The following DAB1 variants were observed in gnomAD, a reference collection of about 807,000 sequenced individuals.
The protein encoded by DAB1 is disabled homolog 1.
In DAB1, 15 loss-of-function variants were observed where a neutral mutation model predicts 64.6. The ratio of observed to expected loss-of-function variants is 0.23; its 90% CI spans 0.16 to 0.36. The LOEUF (loss-of-function observed/expected upper bound fraction) is 0.36. Among genes scored for constraint, DAB1 ranks in the 10% least tolerant of loss-of-function variants. The pLI is 1.00. For synonymous variants in DAB1, 235 were observed against 251.9 expected (o/e 0.93, Z 0.64); for missense variants, 596 against 706.7 (o/e 0.84, Z 1.78).
At chr1:58,489,718 G>C (rs1379740761) in intron 3 of DAB1, among the ~76,000 whole-genome samples, 1 of 152,142 alleles carries the variant, frequency 6.6e-6, no homozygotes, top group Non-Finnish European at 1.5e-5. Context: ...ACACCTCACA[G>C]GGCCGGGTAC....
intron 3 of DAB1, among the ~76,000 whole-genome samples, chr1:58,349,925 CAT>C (rs1644036150): frequency 6.6e-6 from 1 of 152,114 alleles, no homozygotes; most frequent in Non-Finnish European, 1.5e-5. Flanking sequence ...CACACGTGTG[CAT>C]ATGTCTTTAT....
At chr1:58,167,608 G>C (rs1382238748) in intron 4 of DAB1, among the ~76,000 whole-genome samples, 2 of 152,188 alleles carry the variant, frequency 1.3e-5, no homozygotes, top group African/African-American at 4.8e-5. Context: ...TGGAAGCTTT[G>C]TTCTTTCACT....
At chr1:57,519,605 C>T (rs1174693582) in intron 7 of DAB1, among the ~76,000 whole-genome samples, 1 of 152,068 alleles carries the variant, frequency 6.6e-6, no homozygotes, top group African/African-American at 2.4e-5. Context: ...CAGGGTGCCC[C>T]TAGAGGGCTT....
chr1:57,528,768 A>T (rs563075736), intron 7 of DAB1, among the ~76,000 whole-genome samples: 19 of 45,926 alleles, frequency 4.1e-4, no homozygotes, highest in Non-Finnish European at 7.3e-4. Flanking sequence ...GAAGTACTTT[A>T]AGGTACTTAA....
chr1:57,032,390 G>A lies in DAB1; in HGVS notation c.724-6347C>T, dbSNP rs546310435. Among the ~76,000 whole-genome samples the A allele has an allele frequency of 1.9e-4, 29 of 152,240 alleles. No homozygotes were observed. The East Asian group carries it at 3.3e-3, about 17-fold the overall frequency. ...AGACCCAGAGACACAATCAATGGAG[G>A]AGAGAAGCACAGGGGGTTATGAAAG... On this transcript the variant is annotated intron_variant, in intron 9 of 14. Transcript: ENST00000371236.
At chr1:58,346,100 C>T (rs1229161740) in intron 3 of DAB1, among the ~76,000 whole-genome samples, 2 of 152,204 alleles carry the variant, frequency 1.3e-5, no homozygotes, top group Admixed American at 6.5e-5. Context: ...CTAGGTGAAA[C>T]GGAAAACATT....
At chr1:58,438,559 A>T (rs1018425267) in intron 3 of DAB1, among the ~76,000 whole-genome samples, 3 of 152,126 alleles carry the variant, frequency 2.0e-5, no homozygotes, top group East Asian at 3.9e-4. Context: ...CCCTGCCCTC[A>T]CGTTCTGGGA....
intron 7 of DAB1, among the ~76,000 whole-genome samples, chr1:57,452,687 C>T (rs2101158011): frequency 6.6e-6 from 1 of 152,176 alleles, no homozygotes; most frequent in African/African-American, 2.4e-5. Flanking sequence ...TGCCAGGCTC[C>T]ACTAGTACAT....
chr1:58,261,018 T>C (rs530084684), intron 4 of DAB1, among the ~76,000 whole-genome samples: 1 of 152,208 alleles, frequency 6.6e-6, no homozygotes, highest in Non-Finnish European at 1.5e-5. Context: ...TGTGCAATAA[T>C]TTATCACATA....
intron 5 of DAB1, among the ~76,000 whole-genome samples, chr1:58,053,947 T>C (rs1244777691): frequency 6.6e-6 from 1 of 152,232 alleles, no homozygotes; most frequent in African/African-American, 2.4e-5. Flanking sequence ...TGGTCCCACA[T>C]TGTTGCCTGC....
chr1:57,740,068 G>A lies in DAB1; in HGVS notation n.552-90403C>T, dbSNP rs893906263. ...CTACAAAAAAAAAAAAAAAAAATTC[G>A]CCAGGCGTGGTCGCATGCACTTGTA... On this transcript the variant is annotated intron_variant and non_coding_transcript_variant, in intron 6 of 20. Transcript: ENST00000485760. Among the ~76,000 whole-genome samples, 72 of 91,300 alleles carry A rather than the reference G, an allele frequency of 7.9e-4. 1 individual carries two copies. The East Asian group carries it at 0.016, about 21-fold the overall frequency. 59.9% of individuals were successfully genotyped at this position (91,300 alleles called of 152,430 possible). A position where few individuals can be genotyped will look rare whatever the true frequency, so the allele number is the denominator to read the frequency against.
At chr1:57,480,266 A>G (rs1223958392) in intron 7 of DAB1, among the ~76,000 whole-genome samples, 3 of 152,060 alleles carry the variant, frequency 2.0e-5, no homozygotes, top group Non-Finnish European at 4.4e-5. Context: ...GCATTTACAA[A>G]TGGGTACCCA....
intron 3 of DAB1, among the ~76,000 whole-genome samples, chr1:58,474,467 T>C (rs1645399291): frequency 6.6e-6 from 1 of 152,070 alleles, no homozygotes; most frequent in African/African-American, 2.4e-5. Flanking sequence ...GTTGGTTCAT[T>C]GTGATAAGCT....
chr1:57,593,442 G>A (rs1158277935), intron 7 of DAB1, among the ~76,000 whole-genome samples: 4 of 152,186 alleles, frequency 2.6e-5, no homozygotes, highest in Non-Finnish European at 5.9e-5. Flanking sequence ...TTTTGGTACT[G>A]TGAATAATGT....
chr1:57,501,390 C>A (rs887211424), intron 7 of DAB1, among the ~76,000 whole-genome samples: 2 of 152,164 alleles, frequency 1.3e-5, no homozygotes, highest in Non-Finnish European at 2.9e-5. Context: ...GCTGAAAGCA[C>A]CTGCCTGAGT....
At chr1:58,236,982 T>C (rs888097850) in intron 4 of DAB1, among the ~76,000 whole-genome samples, 1 of 152,200 alleles carries the variant, frequency 6.6e-6, no homozygotes, top group Admixed American at 6.5e-5. Context: ...CCTTGGTCCT[T>C]ATACTCCCTC....
At chr1:57,085,877 T>A (rs1653023478) in intron 4 of DAB1, among the ~76,000 whole-genome samples, 1 of 152,118 alleles carries the variant, frequency 6.6e-6, no homozygotes, top group African/African-American at 2.4e-5. Flanking sequence ...AGGGTAAGCA[T>A]GGAGGTCTGA....
chr1:57,597,822 C>G lies in DAB1; in HGVS notation n.625+51770G>C, dbSNP rs914135399. 3.9e-5 allele frequency among the ~76,000 whole-genome samples: 6 copies of G among 152,290 alleles called. No individual in the cohort carries two copies. In the South Asian group the frequency reaches 8.3e-4, roughly 21 times the overall value. On this transcript the variant is annotated intron_variant and non_coding_transcript_variant, in intron 7 of 20. Coordinates refer to the DAB1 transcript ENST00000485760. ...AGGACATAGACTTAGATTATTTGTTCATTCAGCAAACTAATTTTTTTAAGT... is the reference window on the plus strand; with the variant it reads ...AGGACATAGACTTAGATTATTTGTTGATTCAGCAAACTAATTTTTTTAAGT...
chr1:57,461,623 G>A (rs1373642633), intron 7 of DAB1, among the ~76,000 whole-genome samples: 1 of 152,148 alleles, frequency 6.6e-6, no homozygotes, highest in Non-Finnish European at 1.5e-5. Flanking sequence ...CCCAGGCTGC[G>A]CCCTCTGTCA....
Sources: allele counts gnomAD v4.1 joint callset (sites outside exome capture counted in the v4.1 genomes callset), GRCh38; gene constraint gnomAD v4.1.1; transcripts MANE v1.5; gene names NCBI Gene and HGNC (gene_info 2026-07-23, HGNC 2026-07-21).